ZFHX3: variants seen among roughly 807,000 people sequenced by gnomAD.
ZFHX3 encodes the protein zinc finger homeobox 3.
A neutral mutation model predicts 279.1 loss-of-function variants in ZFHX3; 42 were observed. The observed-to-expected ratio is 0.15, with a 90% confidence interval of 0.12 to 0.19. ZFHX3 has a LOEUF of 0.19. Among genes scored for constraint, ZFHX3 ranks in the 10% least tolerant of loss-of-function variants. The pLI is 1.00. For synonymous variants in ZFHX3, 2,293 were observed against 1,957.8 expected, an observed-to-expected ratio of 1.17 and a Z score of -4.52; for missense variants, 4,981 against 4,754.0, an observed-to-expected ratio of 1.05 and a Z score of -1.40.
intron 2 of ZFHX3, among the ~76,000 whole-genome samples, chr16:73,632,233 T>A (rs1261268965): frequency 6.6e-6 from 1 of 152,162 alleles, no homozygotes; most frequent in Non-Finnish European, 1.5e-5. Context: ...GAAAAAGGAA[T>A]AATAAATGGT....
intron 5 of ZFHX3, among the ~76,000 whole-genome samples, chr16:73,226,932 T>C (rs867687394): frequency 1.3e-5 from 2 of 152,192 alleles, no homozygotes; most frequent in South Asian, 2.1e-4. Flanking sequence ...GGCTATAGGA[T>C]AGTGAAGTAA....
rs190063653 is a variant in ZFHX3 at position 73,570,938 on chromosome 16, C to A, written c.-1547+109242G>T. Among the ~76,000 whole-genome samples the A allele has an allele frequency of 3.5e-4, 45 of 129,760 alleles. No homozygotes were observed. The East Asian group carries it at 4.3e-3, about 12-fold the overall frequency. The allele number at this position is 129,760 out of a possible 152,430, so 85.1% of individuals were successfully genotyped here. Reference sequence around the variant, plus strand: ...TCATAACTAAAATTAGATGCTGCAACCTTTTCTTCTCAAAAAAAAAAAAAA... The same window carrying A: ...TCATAACTAAAATTAGATGCTGCAAACTTTTCTTCTCAAAAAAAAAAAAAA... On this transcript the variant is annotated intron_variant, in intron 2 of 17. Coordinates refer to the ZFHX3 transcript ENST00000641206.
chr16:73,677,800 CAA>C (rs1357450087), intron 2 of ZFHX3, among the ~76,000 whole-genome samples: 1 of 151,612 alleles, frequency 6.6e-6, no homozygotes, highest in African/African-American at 2.4e-5. Flanking sequence ...AAAGATGGCA[CAA>C]AAAAATAATT....
At chr16:73,682,844 AAAAGAAAGAG>A (rs1405892937) in intron 1 of ZFHX3, among the ~76,000 whole-genome samples, 1 of 139,784 alleles carries the variant, frequency 7.2e-6, no homozygotes, top group Non-Finnish European at 1.5e-5. Context: ...GAGAGAGAAA[AAAAGAAAGAG>A]AAAGAAAGAA....
intron 3 of ZFHX3, among the ~76,000 whole-genome samples, chr16:73,399,498 A>T (rs2017202055): frequency 6.6e-6 from 1 of 152,126 alleles, no homozygotes; most frequent in South Asian, 2.1e-4. Context: ...TCCTCCACTC[A>T]GTCTTGGTAT....
intron 2 of ZFHX3, among the ~76,000 whole-genome samples, chr16:73,672,714 AT>A (rs1204872438): frequency 1.4e-5 from 2 of 147,608 alleles, no homozygotes; most frequent in Non-Finnish European, 3.0e-5. Context: ...TTTTGTGGAC[AT>A]TAAAAGGATC....
intron 3 of ZFHX3, among the ~76,000 whole-genome samples, chr16:72,893,837 T>C (rs1455318461): frequency 6.6e-6 from 1 of 152,082 alleles, no homozygotes; most frequent in East Asian, 1.9e-4. Context: ...TCCAAGTTTA[T>C]TCTCCAAAAC....
chr16:73,423,306 C>T (rs2017752437), intron 3 of ZFHX3, among the ~76,000 whole-genome samples: 1 of 152,136 alleles, frequency 6.6e-6, no homozygotes, highest in Non-Finnish European at 1.5e-5. Flanking sequence ...AGACGACTAA[C>T]ATTTCCTCTT....
At chr16:72,920,936 G>T (rs1161699720) in intron 3 of ZFHX3, among the ~76,000 whole-genome samples, 2 of 151,862 alleles carry the variant, frequency 1.3e-5, no homozygotes, top group Non-Finnish European at 2.9e-5. Context: ...GCCAGGCATG[G>T]TGGTGTATGC....
chr16:73,037,610 C>T (rs1322500424), intron 1 of ZFHX3, among the ~76,000 whole-genome samples: 1 of 152,158 alleles, frequency 6.6e-6, no homozygotes, highest in African/African-American at 2.4e-5. Context: ...AAGCTTGTGG[C>T]ACTGTACAAG....
At chr16:73,407,281 C>G (rs1171289118) in intron 3 of ZFHX3, among the ~76,000 whole-genome samples, 1 of 152,146 alleles carries the variant, frequency 6.6e-6, no homozygotes, top group Non-Finnish European at 1.5e-5. Context: ...TGCTTTGTGA[C>G]TAAAAGTAGC....
At chr16:73,404,675 AG>A (rs1318111875) in intron 3 of ZFHX3, among the ~76,000 whole-genome samples, 5 of 152,278 alleles carry the variant, frequency 3.3e-5, no homozygotes, top group Non-Finnish European at 7.4e-5. Context: ...TAACAGAAAA[AG>A]GCAAGTACTA....
At chr16:73,338,556 A>G (rs1177453590) in intron 3 of ZFHX3, among the ~76,000 whole-genome samples, 1 of 152,166 alleles carries the variant, frequency 6.6e-6, no homozygotes, top group Non-Finnish European at 1.5e-5. Flanking sequence ...CAAACAGACT[A>G]CAGTATCCCG....
At chr16:72,907,543 ATTTGTGTG>A (rs1172588453) in intron 3 of ZFHX3, among the ~76,000 whole-genome samples, 3 of 80,064 alleles carry the variant, frequency 3.7e-5, no homozygotes, top group Admixed American at 1.5e-4. Flanking sequence ...GGTTTCCTCT[ATTTGTGTG>A]TGTGTGTGTG....
At chr16:73,168,545 T>C (rs562939986) in intron 5 of ZFHX3, among the ~76,000 whole-genome samples, 189 of 152,258 alleles carry the variant, frequency 1.2e-3, no homozygotes, top group African/African-American at 3.9e-3. Flanking sequence ...TGTGAGCCAC[T>C]GTACCTGGTC....
chr16:72,821,349 T>G (rs887531023), intron 5 of ZFHX3, among the ~76,000 whole-genome samples: 3 of 152,190 alleles, frequency 2.0e-5, no homozygotes, highest in Admixed American at 6.5e-5. Context: ...TGTCAACATC[T>G]CTTGGCATTT....
chr16:73,149,976 CT>C (rs2144844601), intron 5 of ZFHX3, among the ~76,000 whole-genome samples: 1 of 152,224 alleles, frequency 6.6e-6, no homozygotes, highest in Non-Finnish European at 1.5e-5. Context: ...TGAGTGGTTC[CT>C]AATTTGTTAT....
intron 1 of ZFHX3, among the ~76,000 whole-genome samples, chr16:73,693,543 A>T (rs1028587820): frequency 7.2e-5 from 11 of 152,074 alleles, no homozygotes; most frequent in South Asian, 4.2e-4. Flanking sequence ...AGACCAATCT[A>T]TGTCCTGCGC....
At chr16:72,916,599 C>G (rs565282546) in intron 3 of ZFHX3, among the ~76,000 whole-genome samples, 2 of 152,122 alleles carry the variant, frequency 1.3e-5, no homozygotes, top group Non-Finnish European at 2.9e-5. Context: ...TATTTTAATA[C>G]CAGGCAGTGC....
Sources: allele counts gnomAD v4.1 joint callset (sites outside exome capture counted in the v4.1 genomes callset), GRCh38; gene constraint gnomAD v4.1.1; transcripts MANE v1.5; gene names NCBI Gene and HGNC (gene_info 2026-07-23, HGNC 2026-07-21).